VAC14: variants seen among roughly 807,000 people sequenced by gnomAD.
VAC14 encodes the protein protein VAC14 homolog.
In VAC14, 47 loss-of-function variants were observed where a neutral mutation model predicts 85.3. The ratio of observed to expected loss-of-function variants is 0.55; its 90% CI spans 0.44 to 0.70. The LOEUF (loss-of-function observed/expected upper bound fraction) is 0.70. Among genes scored for constraint, VAC14 ranks in the 30% least tolerant of loss-of-function variants. The pLI is 0.00. For synonymous variants in VAC14, 447 were observed against 430.5 expected, an observed-to-expected ratio of 1.04 and a Z score of -0.47; for missense variants, 861 against 1,004.3, an observed-to-expected ratio of 0.86 and a Z score of 1.93.
chr16:70,757,038 C>A (rs1261749157), intron 12 of VAC14, among the ~76,000 whole-genome samples: 2 of 152,210 alleles, frequency 1.3e-5, no homozygotes, highest in Non-Finnish European at 1.5e-5. Flanking sequence ...CCACAAACTC[C>A]CATCAGCAAT....
chr16:70,767,701 T>G (rs928436222), intron 10 of VAC14, among the ~76,000 whole-genome samples: 1 of 152,210 alleles, frequency 6.6e-6, no homozygotes, highest in African/African-American at 2.4e-5. Context: ...GAATTCCAGC[T>G]TGGCTACTAA....
In VAC14 at chr16:70,698,108, C is replaced by T. The variant is rs189832866; in HGVS notation, c.1836+529G>A. Among the ~76,000 whole-genome samples the T allele has an allele frequency of 3.9e-5, 6 of 152,272 alleles. No homozygotes were observed. In the East Asian group the frequency reaches 1.2e-3, roughly 29 times the overall value. ...GTCGTTGGTGCATCCCCATCCAGAG[C>T]CTGGGACGGATGGGCAACAAACTTG... On this transcript the variant is annotated intron_variant, in intron 15 of 18. Coordinates refer to ENST00000261776, the MANE Select transcript of VAC14 (RefSeq NM_018052.5).
chr16:70,737,947 C>A (rs554270451), intron 13 of VAC14, among the ~76,000 whole-genome samples: 8 of 152,182 alleles, frequency 5.3e-5, no homozygotes, highest in African/African-American at 1.9e-4. Context: ...TCCATGTGCC[C>A]GGACAGCCCG....
At chr16:70,768,966 ATTT>A (rs60721142) in intron 10 of VAC14, 23 of 216,160 alleles carry the variant, frequency 1.1e-4, no homozygotes, top group South Asian at 3.9e-4. Flanking sequence ...ACGCCTGGCT[ATTT>A]TTTTTTTTTT....
Position 70,687,758 on chromosome 16 carries a change from ACT to A in VAC14, c.*168_*169del, listed in dbSNP as rs1397750783. On this transcript the variant is annotated 3_prime_UTR_variant, in exon 19 of 19. Transcript: ENST00000261776. ...ACAGCGCTGGAGGCCTGGGGACTGGACTCTGAGAGGAGCTTGGGCAGACACAG... is the reference window on the plus strand; with the variant it reads ...ACAGCGCTGGAGGCCTGGGGACTGGACTGAGAGGAGCTTGGGCAGACACAG... 39 of 669,212 alleles carry A rather than the reference ACT, an allele frequency of 5.8e-5. No homozygotes were observed. The South Asian group carries it at 1.9e-3, about 33-fold the overall frequency. The allele number at this position is 669,212 out of a possible 1,614,324, so 41.5% of individuals were successfully genotyped here. A position where few individuals can be genotyped will look rare whatever the true frequency, so the allele number is the denominator to read the frequency against.
chr16:70,707,483 G>A (rs1305023004), intron 14 of VAC14, among the ~76,000 whole-genome samples: 1 of 152,168 alleles, frequency 6.6e-6, no homozygotes, highest in Non-Finnish European at 1.5e-5. Context: ...TGCAAGAGGA[G>A]GTGCCATCGG....
intron 13 of VAC14, among the ~76,000 whole-genome samples, chr16:70,741,636 T>C (rs952844087): frequency 1.3e-5 from 2 of 152,260 alleles, no homozygotes; most frequent in Non-Finnish European, 2.9e-5. Flanking sequence ...CTGTGGATTC[T>C]TGAAGCAAGA....
At chr16:70,690,945 T>C (rs992030664) in intron 18 of VAC14, 18 of 985,060 alleles carry the variant, frequency 1.8e-5, no homozygotes, top group Non-Finnish European at 2.2e-5. Context: ...ACTGACCAAG[T>C]AACCAAGAAC....
At chr16:70,716,067 A>G (rs11642770) in intron 14 of VAC14, 97,913 of 152,140 alleles carry the variant, frequency 0.64, 32,584 homozygotes, top group Non-Finnish European at 0.7. Flanking sequence ...AGAAAACCTC[A>G]GATCCAGGTC....
At chr16:70,693,867 G>T (rs148153608) in intron 17 of VAC14, among the ~76,000 whole-genome samples, 2 of 152,366 alleles carry the variant, frequency 1.3e-5, no homozygotes, top group African/African-American at 2.4e-5. Flanking sequence ...CACACAGGGG[G>T]TCCCGCTGAC....
At chr16:70,749,880 T>G (rs961855754) in intron 12 of VAC14, among the ~76,000 whole-genome samples, 3 of 151,846 alleles carry the variant, frequency 2.0e-5, no homozygotes, top group Non-Finnish European at 2.9e-5. Context: ...CTGCCTGGGG[T>G]GGAAGAGAGG....
chr16:70,706,567 C>CA (rs1222993619), intron 14 of VAC14, among the ~76,000 whole-genome samples: 1 of 152,184 alleles, frequency 6.6e-6, no homozygotes, highest in Non-Finnish European at 1.5e-5. Context: ...GCTGGAGTGC[C>CA]ATGGTGCGAT....
chr16:70,800,889 C>T lies in VAC14; in HGVS notation c.12G>A (p.Glu4=), dbSNP rs780561849. 3.8e-6 allele frequency: 6 copies of T among 1,597,860 alleles called. No homozygotes were observed. The highest frequency in any genetic ancestry group is 5.1e-6 in the Non-Finnish European group (6 of 1,171,766). The change falls in exon 1 of 19, where the codon GAG becomes GAA. Residue 4 remains glutamate, a synonymous_variant. Transcript: ENST00000261776. MNP[E]KDFAPLTPNI... ...TAGGCGTGAGCGGCGCGAAATCCTT[C>T]TCGGGGTTCATGGTGGCAGCTGGGG...
chr16:70,695,081 G>C (rs1468468257), intron 17 of VAC14, among the ~76,000 whole-genome samples: 1 of 152,008 alleles, frequency 6.6e-6, no homozygotes, highest in Admixed American at 6.6e-5. Context: ...CCCTGCTCTG[G>C]CTGGCCTTGC....
intron 8 of VAC14, 97 bp from the exon 9 acceptor site, chr16:70,781,036 G>C (rs1470954310): frequency 1.3e-6 from 2 of 1,537,936 alleles, no homozygotes; most frequent in African/African-American, 2.7e-5. Flanking sequence ...GGTGGGGCCT[G>C]GTGGGAGGGG....
At chr16:70,782,926 C>T in intron 7 of VAC14, 107 bp downstream of exon 7, 1 of 1,016,638 alleles carries the variant, frequency 9.8e-7, no homozygotes, top group Non-Finnish European at 1.5e-6. Context: ...TACCAGGAAT[C>T]TCCCCTGCCC....
At chr16:70,770,922 C>T (rs976714411) in intron 10 of VAC14, 2 of 152,194 alleles carry the variant, frequency 1.3e-5, no homozygotes, top group East Asian at 3.9e-4. Context: ...AGGATAAGTT[C>T]ACAAATGACA....
At chr16:70,767,345 G>A (rs928353710) in intron 10 of VAC14, among the ~76,000 whole-genome samples, 2 of 151,868 alleles carry the variant, frequency 1.3e-5, no homozygotes, top group Admixed American at 1.3e-4. Context: ...TCAGAAGAAA[G>A]GTAAATCTAA....
At position 70,762,792 on chromosome 16, in the gene VAC14, T is replaced by C. The variant is rs926626029; in HGVS notation, c.1305+89A>G. On this transcript the variant is annotated intron_variant, in intron 11 of 18. Coordinates refer to ENST00000261776, the MANE Select transcript of VAC14 (RefSeq NM_018052.5). This position sits in a 1 kb window ranked among gnomAD's most constrained non-coding sequence, Gnocchi z 4.1. ...GGCCAGGGTTTCCCTAGAAGGGCAA[T>C]GACCAAAATGCTACCAACTATGGGC... 6.3e-7 allele frequency: 1 copy of C among 1,592,156 alleles called. No homozygotes were observed. The highest frequency in any genetic ancestry group is 8.6e-7 in the Non-Finnish European group (1 of 1,166,526).
Sources: gnomAD v4.1 joint callset for allele counts (sites outside exome capture counted in the v4.1 genomes callset) on GRCh38, gnomAD v4.1.1 for gene constraint, Gnocchi (gnomAD v3.1) non-coding constraint, MANE v1.5 for transcripts, NCBI Gene and HGNC (gene_info 2026-07-23, HGNC 2026-07-21) for gene names.